HS2ST1: variants seen among roughly 807,000 people sequenced by gnomAD.
The protein encoded by HS2ST1 is heparan sulfate 2-O-sulfotransferase 1.
A neutral mutation model predicts 42.9 loss-of-function variants in HS2ST1; 18 were observed. The observed-to-expected ratio is 0.42, with a 90% CI of 0.29 to 0.62. The LOEUF (loss-of-function observed/expected upper bound fraction) is 0.62. Among genes scored for constraint, HS2ST1 ranks in the 20% least tolerant of loss-of-function variants. HS2ST1 has a pLI of 0.21. For synonymous variants in HS2ST1, 146 were observed against 152.9 expected, an observed-to-expected ratio of 0.95 and a Z score of 0.33; for missense variants, 334 against 433.8, an observed-to-expected ratio of 0.77 and a Z score of 2.04.
chr1:87,079,459 T>G (rs1421201559), intron 2 of HS2ST1, among the ~76,000 whole-genome samples: 1 of 152,180 alleles, frequency 6.6e-6, no homozygotes, highest in East Asian at 1.9e-4. Context: ...ATGCTCAGAC[T>G]GTTTTCTAGA....
intron 1 of HS2ST1, among the ~76,000 whole-genome samples, chr1:86,947,750 ATATT>A (rs1389954145): frequency 1.3e-5 from 2 of 152,156 alleles, no homozygotes; most frequent in African/African-American, 2.4e-5. Flanking sequence ...GGGTGTGTTT[ATATT>A]TATTTAATCC....
chr1:86,993,258 T>C, intron 1 of HS2ST1: 4 of 1,158,116 alleles, frequency 3.5e-6, no homozygotes, highest in Non-Finnish European at 4.8e-6. Context: ...TAAAAACTGA[T>C]AATAGGATTT....
At chr1:86,997,155 T>C (rs1649125187) in intron 1 of HS2ST1, among the ~76,000 whole-genome samples, 1 of 152,184 alleles carries the variant, frequency 6.6e-6, no homozygotes, top group Non-Finnish European at 1.5e-5. Flanking sequence ...GAGTTTTACA[T>C]GGCTAAGGAG....
chr1:86,966,298 A>T (rs150051488), intron 1 of HS2ST1, among the ~76,000 whole-genome samples: 1 of 152,146 alleles, frequency 6.6e-6, no homozygotes, highest in African/African-American at 2.4e-5. Flanking sequence ...AAATACTACA[A>T]TATGCTTCTC....
intron 3 of HS2ST1, among the ~76,000 whole-genome samples, chr1:87,086,947 A>C (rs1651830907): frequency 2.0e-5 from 3 of 151,886 alleles, no homozygotes; most frequent in Non-Finnish European, 4.4e-5. Context: ...AAAATTTTCC[A>C]GTTTAAAATT....
At chr1:87,071,350 G>C (rs1651398859) in intron 1 of HS2ST1, among the ~76,000 whole-genome samples, 1 of 152,086 alleles carries the variant, frequency 6.6e-6, no homozygotes, top group African/African-American at 2.4e-5. Flanking sequence ...AGCATCATAG[G>C]GGACACTAAT....
intron 1 of HS2ST1, among the ~76,000 whole-genome samples, chr1:86,958,068 A>G (rs895312424): frequency 6.6e-6 from 1 of 152,256 alleles, no homozygotes; most frequent in African/African-American, 2.4e-5. Context: ...CTGGGATTAC[A>G]GGCATGAGCC....
At chr1:86,944,704 T>G (rs1647279976) in intron 1 of HS2ST1, among the ~76,000 whole-genome samples, 1 of 152,162 alleles carries the variant, frequency 6.6e-6, no homozygotes, top group Non-Finnish European at 1.5e-5. Flanking sequence ...GAAATTTTAT[T>G]TTTAATGGTA....
chr1:86,985,232 G>A (rs1188840701), intron 1 of HS2ST1, among the ~76,000 whole-genome samples: 1 of 145,928 alleles, frequency 6.9e-6, no homozygotes, highest in African/African-American at 2.7e-5. Flanking sequence ...GCAGGCGCCT[G>A]TAGTCCCAGC....
At chr1:86,985,563 C>CAG (rs1307609538) in intron 1 of HS2ST1, among the ~76,000 whole-genome samples, 1 of 146,668 alleles carries the variant, frequency 6.8e-6, no homozygotes, top group Non-Finnish European at 1.5e-5. Flanking sequence ...TACACACACA[C>CAG]ACACATTTCT....
intron 1 of HS2ST1, among the ~76,000 whole-genome samples, chr1:86,960,343 A>G (rs1241888670): frequency 6.6e-6 from 1 of 152,186 alleles, no homozygotes; most frequent in South Asian, 2.1e-4. Context: ...CTAGAAGATA[A>G]TAAAGGAGAA....
chr1:87,017,504 A>G (rs553999808), intron 1 of HS2ST1, among the ~76,000 whole-genome samples: 4 of 152,284 alleles, frequency 2.6e-5, no homozygotes, highest in African/African-American at 9.6e-5. Flanking sequence ...TTATAACCAT[A>G]TGTTATATAT....
intron 3 of HS2ST1, among the ~76,000 whole-genome samples, chr1:87,089,482 G>A (rs1419131): frequency 0.69 from 105,441 of 151,850 alleles, 38,822 homozygotes; most frequent in East Asian, 0.94. Context: ...TGAAATGATT[G>A]ACCAGAGTTA....
At position 87,045,731 on chromosome 1, in the gene HS2ST1, T is replaced by A. The variant is rs567477431; in HGVS notation, c.125-27203T>A. 15 of 898,696 alleles carry A rather than the reference T, an allele frequency of 1.7e-5. No homozygotes were observed. In the South Asian group the frequency reaches 1.8e-4, roughly 11 times the overall value. 55.7% of individuals were successfully genotyped at this position (898,696 alleles called of 1,614,324 possible). A position where few individuals can be genotyped will look rare whatever the true frequency, so the allele number is the denominator to read the frequency against. Reference sequence around the variant, plus strand: ...TCCCTGCCACTGATTTGATATCAAATCTACTCTTCATATTCATACTGAAAA... The same window carrying A: ...TCCCTGCCACTGATTTGATATCAAAACTACTCTTCATATTCATACTGAAAA... On this transcript the variant is annotated intron_variant, in intron 1 of 6. Coordinates refer to ENST00000370550, the MANE Select transcript of HS2ST1 (RefSeq NM_012262.4).
intron 1 of HS2ST1, among the ~76,000 whole-genome samples, chr1:87,059,195 G>T (rs1651054716): frequency 6.6e-6 from 1 of 152,164 alleles, no homozygotes; most frequent in African/African-American, 2.4e-5. Flanking sequence ...TTTTGCAGCT[G>T]CTTCACATTA....
intron 1 of HS2ST1, among the ~76,000 whole-genome samples, chr1:87,065,418 T>A (rs892992575): frequency 6.6e-6 from 1 of 152,236 alleles, no homozygotes; most frequent in African/African-American, 2.4e-5. Flanking sequence ...TAGACCCTGC[T>A]GGTTTCCCCT....
intron 1 of HS2ST1, among the ~76,000 whole-genome samples, chr1:87,006,459 G>A (rs1372307347): frequency 6.6e-6 from 1 of 152,056 alleles, no homozygotes; most frequent in African/African-American, 2.4e-5. Flanking sequence ...TGCATATATA[G>A]GCAATGCCTG....
chr1:87,007,782 C>T (rs1306675406), intron 1 of HS2ST1, among the ~76,000 whole-genome samples: 2 of 152,084 alleles, frequency 1.3e-5, no homozygotes, highest in African/African-American at 2.4e-5. Flanking sequence ...GTGTCCTTGT[C>T]TGTCTTTCAT....
chr1:87,067,870 A>G (rs920209753), intron 1 of HS2ST1, among the ~76,000 whole-genome samples: 5 of 152,114 alleles, frequency 3.3e-5, no homozygotes, highest in Admixed American at 3.3e-4. Flanking sequence ...CAAAGATCAG[A>G]TGGTTCTAGA....
Sources: gnomAD v4.1 joint callset for allele counts (sites outside exome capture counted in the v4.1 genomes callset) on GRCh38, gnomAD v4.1.1 for gene constraint, MANE v1.5 for transcripts, NCBI Gene and HGNC (gene_info 2026-07-23, HGNC 2026-07-21) for gene names.